CEMIP: variants seen among roughly 807,000 people sequenced by gnomAD.
CEMIP encodes the protein cell migration inducing hyaluronidase 1.
Under a neutral mutation model 156.9 loss-of-function variants are expected in CEMIP, and 105 were observed. The ratio of observed to expected loss-of-function variants is 0.67; its 90% CI spans 0.57 to 0.79. CEMIP has a LOEUF of 0.79. CEMIP is among the 30% of genes least tolerant of loss of function. The pLI is 0.00. For synonymous variants in CEMIP, 676 were observed against 668.4 expected (o/e 1.01, Z -0.17); for missense variants, 1,457 against 1,769.4 (o/e 0.82, Z 3.17).
chr15:80,795,413 G>A (rs951000503), intron 1 of CEMIP, among the ~76,000 whole-genome samples: 1 of 152,004 alleles, frequency 6.6e-6, no homozygotes, highest in Non-Finnish European at 1.5e-5. Flanking sequence ...AAGGAGAAGT[G>A]TGGGTGGATC....
chr15:80,921,244 G>T, intron 16 of CEMIP, 143 bp downstream of exon 16: 5 of 714,906 alleles, frequency 7.0e-6, no homozygotes, highest in East Asian at 3.2e-5. Flanking sequence ...TGGTGAAGAG[G>T]AAAACGACAG....
At chr15:80,790,770 T>C (rs1322014539) in intron 1 of CEMIP, among the ~76,000 whole-genome samples, 1 of 152,176 alleles carries the variant, frequency 6.6e-6, no homozygotes, top group African/African-American at 2.4e-5. Flanking sequence ...TTGAGAGTAA[T>C]TGTAACCCGA....
intron 1 of CEMIP, among the ~76,000 whole-genome samples, chr15:80,835,342 C>T (rs1467589943): frequency 6.6e-6 from 1 of 152,174 alleles, no homozygotes; most frequent in East Asian, 1.9e-4. Flanking sequence ...TCGCTGAGTT[C>T]CAAAGTAGGA....
chr15:80,948,224 C>T (rs184543069), intron 29 of CEMIP: 29 of 177,198 alleles, frequency 1.6e-4, no homozygotes, highest in Admixed American at 5.9e-4. Context: ...TCCCATGCCC[C>T]TCGGATGCTC....
chr15:80,780,121 C>G (rs896713083), intron 1 of CEMIP, among the ~76,000 whole-genome samples: 3 of 151,976 alleles, frequency 2.0e-5, no homozygotes, highest in Admixed American at 2.0e-4. Flanking sequence ...CGCTCTTCCT[C>G]CCAGTTTCCC....
At chr15:80,897,249 C>T (rs1411215200) in intron 12 of CEMIP, 4 of 455,836 alleles carry the variant, frequency 8.8e-6, no homozygotes, top group Non-Finnish European at 1.3e-5. Flanking sequence ...ATCCAATATA[C>T]TCACCATATC....
intron 14 of CEMIP, among the ~76,000 whole-genome samples, chr15:80,911,320 T>C (rs1392312187): frequency 1.3e-5 from 2 of 152,178 alleles, no homozygotes; most frequent in African/African-American, 4.8e-5. Context: ...CAATGTAGAA[T>C]TGGTTAGGAA....
chr15:80,917,877 T>G (rs1386369653), intron 14 of CEMIP, among the ~76,000 whole-genome samples: 10 of 152,206 alleles, frequency 6.6e-5, no homozygotes, highest in African/African-American at 2.2e-4. Context: ...TTCAGCAAGA[T>G]TAAAAGGTAT....
intron 1 of CEMIP, among the ~76,000 whole-genome samples, chr15:80,820,289 C>T (rs181799829): frequency 2.4e-4 from 37 of 152,282 alleles, no homozygotes; most frequent in African/African-American, 8.7e-4. Flanking sequence ...TTATAAATAC[C>T]GTGAGTCACA....
At position 80,906,677 on chromosome 15, in the gene CEMIP, C is replaced by G. The variant is rs773237935; in HGVS notation, c.1426C>G (p.Leu476Val). 2 of 1,613,672 alleles carry G rather than the reference C, an allele frequency of 1.2e-6. No homozygotes were observed. The highest frequency in any genetic ancestry group is 1.1e-5 in the South Asian group (1 of 91,046). Reference sequence around the variant, plus strand: ...TTCTGCCCTAGGGAAACCAATGTACCTGCACATCGGGGAGGAGATAGACGG... The same window carrying G: ...TTCTGCCCTAGGGAAACCAATGTACGTGCACATCGGGGAGGAGATAGACGG... The part of the protein sequence containing the change: ...QVKVAGKPMY[L>V]HIGEEIDGVD... Residue 476 changes from leucine to valine, a missense_variant, in exon 13 of 30, where the codon CTG (leucine) becomes GTG (valine). By Grantham distance (32) the Leu-to-Val change is conservative (BLOSUM62 1). Transcript: ENST00000394685. This position sits in a 1 kb window ranked among gnomAD's most constrained non-coding sequence, Gnocchi z 4.3.
intron 1 of CEMIP, among the ~76,000 whole-genome samples, chr15:80,802,401 G>A (rs894193756): frequency 1.3e-5 from 2 of 152,174 alleles, no homozygotes; most frequent in African/African-American, 4.8e-5. Flanking sequence ...CCTTCAGCTG[G>A]GCGTGGGCAG....
intron 12 of CEMIP, among the ~76,000 whole-genome samples, chr15:80,896,707 T>A (rs1899238505): frequency 6.6e-6 from 1 of 152,236 alleles, no homozygotes; most frequent in African/African-American, 2.4e-5. Flanking sequence ...GGTCAATTAT[T>A]CTTAGTAGGG....
At chr15:80,872,548 C>T (rs943142070) in intron 1 of CEMIP, among the ~76,000 whole-genome samples, 1 of 152,162 alleles carries the variant, frequency 6.6e-6, no homozygotes, top group African/African-American at 2.4e-5. Flanking sequence ...AAGTTTAATT[C>T]AGGCGGGCAT....
chr15:80,921,467 GTAT>G (rs1438554990), intron 16 of CEMIP, among the ~76,000 whole-genome samples: 2 of 152,188 alleles, frequency 1.3e-5, no homozygotes, highest in Non-Finnish European at 2.9e-5. Context: ...AGTGACGTAG[GTAT>G]TATTATTATC....
At chr15:80,849,637 A>C (rs1192830921) in intron 1 of CEMIP, among the ~76,000 whole-genome samples, 1 of 152,034 alleles carries the variant, frequency 6.6e-6, no homozygotes, top group Admixed American at 6.6e-5. Context: ...CTCTTAATCT[A>C]AATGTCCTGT....
chr15:80,869,752 T>G (rs955458), intron 1 of CEMIP, among the ~76,000 whole-genome samples: 1 of 152,086 alleles, frequency 6.6e-6, no homozygotes, highest in African/African-American at 2.4e-5. Flanking sequence ...TATATATGAG[T>G]TGACATTTTT....
At chr15:80,788,637 C>T (rs890740406) in intron 1 of CEMIP, among the ~76,000 whole-genome samples, 1 of 152,092 alleles carries the variant, frequency 6.6e-6, no homozygotes, top group African/African-American at 2.4e-5. Context: ...TCAGGAAAAC[C>T]TCAAACATAG....
intron 13 of CEMIP, among the ~76,000 whole-genome samples, chr15:80,908,205 A>G (rs1313460241): frequency 6.6e-6 from 1 of 152,184 alleles, no homozygotes; most frequent in Non-Finnish European, 1.5e-5. Context: ...TAGCAGGTCT[A>G]TGTCACACAA....
intron 21 of CEMIP, among the ~76,000 whole-genome samples, chr15:80,931,551 A>G (rs1372669379): frequency 6.6e-6 from 1 of 152,184 alleles, no homozygotes; most frequent in Non-Finnish European, 1.5e-5. Flanking sequence ...ACTCCAAACT[A>G]GCAACTAGAT....
Sources: allele counts gnomAD v4.1 joint callset (sites outside exome capture counted in the v4.1 genomes callset), GRCh38; gene constraint gnomAD v4.1.1; non-coding constraint Gnocchi (gnomAD v3.1); transcripts MANE v1.5; gene names NCBI Gene and HGNC (gene_info 2026-07-23, HGNC 2026-07-21).